The following PLCB1 variants were observed in gnomAD, a reference collection of about 807,000 sequenced individuals.
PLCB1 encodes phospholipase C beta 1.
A neutral mutation model predicts 161.8 loss-of-function variants in PLCB1; 46 were observed. That is an observed-to-expected ratio of 0.28 (90% CI 0.22 to 0.36). The LOEUF is 0.36. PLCB1 is among the 10% of genes least tolerant of loss of function. The pLI, the probability that PLCB1 is intolerant of heterozygous loss-of-function variation, is 1.00. For synonymous variants in PLCB1, 517 were observed against 503.7 expected, an observed-to-expected ratio of 1.03 and a Z score of -0.35; for missense variants, 1,016 against 1,472.5, an observed-to-expected ratio of 0.69 and a Z score of 5.07.
chr20:8,601,806 TAGAG>T (rs1987594625), intron 3 of PLCB1, among the ~76,000 whole-genome samples: 1 of 152,112 alleles, frequency 6.6e-6, no homozygotes, highest in Non-Finnish European at 1.5e-5. Context: ...CAGACATTGA[TAGAG>T]AGCCAAGTTT....
In PLCB1 at chr20:8,800,999, C is replaced by G. The variant is rs144491585; in HGVS notation, c.3423+10738C>G. Among the ~76,000 whole-genome samples, 3 of 152,258 alleles carry G rather than the reference C, an allele frequency of 2.0e-5. No homozygotes were observed. The East Asian group carries it at 5.8e-4, about 29-fold the overall frequency. ...TCAAAATCTATTCTCAACATGTCAC[C>G]CAGAGGCATCCTTTTAGAACACAAG... is the stretch of plus-strand genomic sequence containing the variant. On this transcript the variant is annotated intron_variant, in intron 31 of 31. Transcript: ENST00000338037.
intron 3 of PLCB1, among the ~76,000 whole-genome samples, chr20:8,388,951 G>T (rs569549519): frequency 6.6e-6 from 1 of 152,148 alleles, no homozygotes; most frequent in Non-Finnish European, 1.5e-5. Context: ...CAGGGGTTCA[G>T]GGGTGGTTAA....
chr20:8,450,047 A>G (rs1981003444), intron 3 of PLCB1, among the ~76,000 whole-genome samples: 1 of 152,210 alleles, frequency 6.6e-6, no homozygotes, highest in Non-Finnish European at 1.5e-5. Context: ...ATTATTCAAT[A>G]AAATAAGAGA....
chr20:8,656,807 A>G (rs1989471947), intron 7 of PLCB1, among the ~76,000 whole-genome samples: 1 of 151,856 alleles, frequency 6.6e-6, no homozygotes, highest in Non-Finnish European at 1.5e-5. Context: ...AAAAAAACCT[A>G]AAAATAATTC....
intron 2 of PLCB1, among the ~76,000 whole-genome samples, chr20:8,242,208 T>C (rs193225025): frequency 3.9e-5 from 6 of 151,990 alleles, no homozygotes; most frequent in Non-Finnish European, 7.4e-5. Context: ...GCTTATTTGC[T>C]CTACCCAGCG....
chr20:8,567,561 G>A (rs1473611409), intron 3 of PLCB1, among the ~76,000 whole-genome samples: 1 of 152,068 alleles, frequency 6.6e-6, no homozygotes, highest in Non-Finnish European at 1.5e-5. Context: ...TATTTTGAGT[G>A]AACATCATCA....
At chr20:8,476,493 T>A (rs1982288006) in intron 3 of PLCB1, among the ~76,000 whole-genome samples, 1 of 152,254 alleles carries the variant, frequency 6.6e-6, no homozygotes, top group African/African-American at 2.4e-5. Flanking sequence ...TCTGGCTGGA[T>A]GCTAAAGTTA....
chr20:8,557,618 T>G (rs1166537128), intron 3 of PLCB1, among the ~76,000 whole-genome samples: 1 of 151,986 alleles, frequency 6.6e-6, no homozygotes, highest in Non-Finnish European at 1.5e-5. Flanking sequence ...AGATGGATGG[T>G]GGTTGGTGAT....
intron 2 of PLCB1, among the ~76,000 whole-genome samples, chr20:8,234,085 G>A (rs912305474): frequency 2.6e-5 from 4 of 152,064 alleles, no homozygotes; most frequent in Non-Finnish European, 5.9e-5. Context: ...CTTGGTGTGT[G>A]TCTTAGAGTG....
In PLCB1 at chr20:8,716,304, A is replaced by G; in HGVS notation, c.1291A>G (p.Ile431Val). Residue 431 changes from isoleucine (I) to valine (V), a missense_variant, in exon 13 of 32, where the codon ATC becomes GTC. Ile to Val is a conservative substitution (Grantham distance 29). Coordinates refer to ENST00000338037, the MANE Select transcript of PLCB1 (RefSeq NM_015192.4). ...QAKMAEYCRL[I>V]FGDALLMEPL... ...CAAGATGGCGGAGTACTGCCGACTG[A>G]TCTTTGGGGATGCCCTTCTCATGGA... 1 of 1,614,048 alleles carries G rather than the reference A, an allele frequency of 6.2e-7. No individual in the cohort carries two copies. Among genetic ancestry groups the G allele is most frequent in the Non-Finnish European group, 8.5e-7 (1 of 1,179,954 alleles).
chr20:8,763,250 G>A (rs1036579025), intron 25 of PLCB1, among the ~76,000 whole-genome samples: 19 of 152,210 alleles, frequency 1.2e-4, no homozygotes, highest in African/African-American at 4.1e-4. Flanking sequence ...CGCCCAGGCT[G>A]CAGAGCAATG....
At chr20:8,505,170 G>C (rs1983587064) in intron 3 of PLCB1, among the ~76,000 whole-genome samples, 1 of 152,182 alleles carries the variant, frequency 6.6e-6, no homozygotes, top group African/African-American at 2.4e-5. Context: ...TAGCCAGATA[G>C]TTCTTACTGT....
intron 3 of PLCB1, among the ~76,000 whole-genome samples, chr20:8,499,446 AAGTC>A (rs1456273247): frequency 6.6e-6 from 1 of 152,202 alleles, no homozygotes; most frequent in African/African-American, 2.4e-5. Context: ...TGGCATTAGA[AAGTC>A]AGAAAGATAT....
intron 14 of PLCB1, 30 bp downstream of exon 14, chr20:8,717,878 G>A (rs1216263838): frequency 1.3e-6 from 2 of 1,584,712 alleles, no homozygotes; most frequent in Non-Finnish European, 1.7e-6. Flanking sequence ...TCCCCGTCAT[G>A]TTTTGTGTTG....
At chr20:8,243,669 T>C (rs2123208919) in intron 2 of PLCB1, among the ~76,000 whole-genome samples, 1 of 151,924 alleles carries the variant, frequency 6.6e-6, no homozygotes, top group Middle Eastern at 3.4e-3. Flanking sequence ...ATTTTGTTCA[T>C]TAAGAATATG....
chr20:8,689,160 A>G (rs539028647), intron 10 of PLCB1, among the ~76,000 whole-genome samples: 2 of 151,136 alleles, frequency 1.3e-5, no homozygotes, highest in South Asian at 4.2e-4. Context: ...CTGTTGGTGT[A>G]TAAAAGAGCT....
intron 2 of PLCB1, among the ~76,000 whole-genome samples, chr20:8,359,717 G>A (rs750676180): frequency 2.6e-5 from 4 of 152,066 alleles, no homozygotes; most frequent in Non-Finnish European, 2.9e-5. Flanking sequence ...AAAATGTGGC[G>A]TATTGTGACT....
chr20:8,551,084 A>G (rs1268740643), intron 3 of PLCB1, among the ~76,000 whole-genome samples: 1 of 152,238 alleles, frequency 6.6e-6, no homozygotes, highest in Non-Finnish European at 1.5e-5. Context: ...GTATAATTTC[A>G]TAAGACATGA....
chr20:8,327,374 A>G (rs1449672960), intron 2 of PLCB1, among the ~76,000 whole-genome samples: 1 of 152,166 alleles, frequency 6.6e-6, no homozygotes, highest in Non-Finnish European at 1.5e-5. Context: ...AGTGGGAGGA[A>G]ATTTTTCCCT....
Sources: gnomAD v4.1 joint callset for allele counts (sites outside exome capture counted in the v4.1 genomes callset) on GRCh38, gnomAD v4.1.1 for gene constraint, MANE v1.5 for transcripts, NCBI Gene and HGNC (gene_info 2026-07-23, HGNC 2026-07-21) for gene names.